DRP2: variants seen among roughly 807,000 people sequenced by gnomAD.
The protein encoded by DRP2 is dystrophin-related protein 2.
A neutral mutation model predicts 78.2 loss-of-function variants in DRP2; 29 were observed. The ratio of observed to expected loss-of-function variants is 0.37; its 90% CI spans 0.28 to 0.51. The LOEUF (loss-of-function observed/expected upper bound fraction) is 0.51, where lower values mean the gene tolerates loss of function less well. DRP2 is among the 20% of genes least tolerant of loss of function. The pLI is 0.94. For missense variants in DRP2, 686 were observed against 770.6 expected, an observed-to-expected ratio of 0.89 and a Z score of 1.30; for synonymous variants, 290 against 281.9, an observed-to-expected ratio of 1.03 and a Z score of -0.29.
At chrX:101,232,495 A>T (rs757827218) in intron 3 of DRP2, among the ~76,000 whole-genome samples, 10 of 111,214 alleles carry the variant, frequency 9.0e-5, no homozygotes, top group African/African-American at 3.3e-4. Context: ...AGCCTCACAG[A>T]TGGGCTGCAG....
In DRP2 at chrX:101,256,164, C is replaced by T. The variant is rs778563724; in HGVS notation, c.2293C>T (p.Arg765Trp). Reference sequence around the variant, plus strand: ...GCGGCACTCCAGCCCCATCACAGACCGGGAGCCAGCCTTTGGACAGCAGGC... The same window carrying T: ...GCGGCACTCCAGCCCCATCACAGACTGGGAGCCAGCCTTTGGACAGCAGGC... The part of the protein sequence containing the change: ...LLRHSSPITD[R>W]EPAFGQQAPC... Residue 765 changes from arginine (R) to tryptophan (W), a missense_variant, in exon 21 of 24, where the codon CGG becomes TGG. Around this residue, in one of 2 missense-constraint regions of DRP2, gnomAD observed 423 missense variants for 531.5 expected, o/e 0.80. Transcript: ENST00000395209. The T allele has an allele frequency of 1.4e-4, 167 of 1,205,426 alleles. 3 individuals are homozygous for T. In the South Asian group the frequency reaches 2.6e-3, roughly 19 times the overall value.
intron 1 of DRP2, among the ~76,000 whole-genome samples, chrX:101,222,570 T>G (rs1018968520): frequency 2.7e-5 from 3 of 112,508 alleles, no homozygotes; most frequent in Admixed American, 9.4e-5. Context: ...GAAGCAGATT[T>G]AAGGAATAAT....
chrX:101,248,607 G>C lies in DRP2; in HGVS notation c.1540+8G>C. 1 of 1,203,028 alleles carries C rather than the reference G, an allele frequency of 8.3e-7. No individual in the cohort carries two copies. The highest frequency in any genetic ancestry group is 1.7e-5 in the African/African-American group (1 of 57,737). ...TGAAGGAAAAACTTCAGTGTGAGTA[G>C]AACTCCAAAGTGTGGAGTGGTGTTG... On this transcript the variant is annotated splice_region_variant and intron_variant, in intron 14 of 23. Coordinates refer to ENST00000395209, the MANE Select transcript of DRP2 (RefSeq NM_001939.3).
chrX:101,248,640 G>A (rs1923019956), intron 14 of DRP2, 41 bp downstream of exon 14: 1 of 1,131,137 alleles, frequency 8.8e-7, no homozygotes, highest in Non-Finnish European at 1.2e-6. Flanking sequence ...TTGGGTAGAG[G>A]GAAAGGTGTT....
rs1255269334 is a variant in DRP2, at chrX:101,263,887, G to A, written c.*3266G>A. 1 of 111,684 alleles carries A rather than the reference G, an allele frequency of 9.0e-6. No homozygotes were observed. The highest frequency in any genetic ancestry group is 1.9e-5 in the Non-Finnish European group (1 of 53,142). 9.2% of individuals were successfully genotyped at this position (111,684 alleles called of 1,213,427 possible). A position where few individuals can be genotyped will look rare whatever the true frequency, so the allele number is the denominator to read the frequency against. ...TGTGCTTCCTGATGTGTGTGCTTGA[G>A]ATTTGGGCTCTATATCCAGCATTTG... On this transcript the variant is annotated 3_prime_UTR_variant, in exon 24 of 24. Coordinates refer to ENST00000395209, the MANE Select transcript of DRP2 (RefSeq NM_001939.3).
chrX:101,260,013 G>A, intron 22 of DRP2, 36 bp from the exon 23 acceptor site: 1 of 1,208,698 alleles, frequency 8.3e-7, no homozygotes, highest in Non-Finnish European at 1.1e-6. Flanking sequence ...GGTCAGGAAG[G>A]CAAATCCACT....
chrX:101,257,953 A>G (rs946391565), intron 21 of DRP2, among the ~76,000 whole-genome samples: 2 of 110,935 alleles, frequency 1.8e-5, no homozygotes, highest in Non-Finnish European at 3.8e-5. Flanking sequence ...AAAATGGAGT[A>G]GGTGAGTCAG....
In DRP2 at chrX:101,224,191, G is replaced by GTT. The variant is rs1167730116; in HGVS notation, c.-166-384_-166-383dup. Among the ~76,000 whole-genome samples, 44 of 38,887 alleles carry GTT rather than the reference G, an allele frequency of 1.1e-3. 3 individuals are homozygous for GTT. Among genetic ancestry groups the GTT allele is most frequent in the African/African-American group, 4.8e-3 (38 of 7,910 alleles). 33.8% of individuals were successfully genotyped at this position (38,887 alleles called of 115,157 possible). On this transcript the variant is annotated intron_variant, in intron 1 of 23. Coordinates refer to ENST00000395209, the MANE Select transcript of DRP2 (RefSeq NM_001939.3). The stretch of plus-strand genomic sequence containing the variant: ...AATAAATGTTTGCTGGGTTTTTTTT[G>GTT]TTTTTTTTTTTTTTTTTTTTTTTTT...
At chrX:101,245,204 A>C in intron 10 of DRP2, 127 bp downstream of exon 10, 1 of 829,738 alleles carries the variant, frequency 1.2e-6, no homozygotes, top group East Asian at 3.2e-5. Context: ...TTTTTCTCCT[A>C]CTCATCTCAA....
rs763160410 is a variant in DRP2, at chrX:101,240,117, C to T, written c.559+1016C>T. The stretch of plus-strand genomic sequence containing the variant: ...TAAAAATACTGCTTTATTCCAACAT[C>T]GAGGGACATGCAAACCAGCAAATAA... On this transcript the variant is annotated intron_variant, in intron 6 of 23. Coordinates refer to ENST00000395209, the MANE Select transcript of DRP2 (RefSeq NM_001939.3). Among the ~76,000 whole-genome samples, 12 of 112,483 alleles carry T rather than the reference C, an allele frequency of 1.1e-4. No homozygotes were observed. In the South Asian group the frequency reaches 4.4e-3, roughly 41 times the overall value.
chrX:101,250,790 C>A lies in DRP2; in HGVS notation c.1699-127C>A. 4.1e-6 allele frequency: 4 copies of A among 972,356 alleles called. No homozygotes were observed. In the South Asian group the frequency reaches 9.1e-5, roughly 22 times the overall value. 80.1% of individuals were successfully genotyped at this position (972,356 alleles called of 1,213,427 possible). A position where few individuals can be genotyped will look rare whatever the true frequency, so the allele number is the denominator to read the frequency against. ...TCAGCTCAACTAGCACAGGGCAGAA[C>A]GTGAACATCTCTGGAGAACAGGCCA... On this transcript the variant is annotated intron_variant, in intron 15 of 23. Coordinates refer to ENST00000395209, the MANE Select transcript of DRP2 (RefSeq NM_001939.3).
At position 101,247,162 on chromosome X, in the gene DRP2, G is replaced by A. The variant is rs759825823; in HGVS notation, c.1250G>A (p.Arg417His). 1.7e-6 allele frequency: 2 copies of A among 1,205,299 alleles called. No individual in the cohort carries two copies. Among genetic ancestry groups the A allele is most frequent in the Non-Finnish European group, 2.2e-6 (2 of 891,216 alleles). ...CTCCGCAGAGTCCAGAAAGCCCTGC[G>A]CTGTACGTCTCCTGTTGTACTTCCC... ...MKLRRVQKAL[R>H]LDLVTLTTAL... The change falls in exon 12 of 24, where the codon CGC becomes CAC. Residue 417 changes from arginine (R) to histidine (H), a missense_variant and splice_region_variant. Around this residue, in one of 2 missense-constraint regions of DRP2, gnomAD observed 423 missense variants for 531.5 expected, o/e 0.80. Transcript: ENST00000395209.
intron 4 of DRP2, among the ~76,000 whole-genome samples, chrX:101,236,740 A>G (rs1249705480): frequency 3.6e-5 from 4 of 112,561 alleles, no homozygotes; most frequent in African/African-American, 1.3e-4. Context: ...AGTTCAAATC[A>G]TCGCTCTATC....
At chrX:101,221,111 G>A (rs1405315523) in intron 1 of DRP2, among the ~76,000 whole-genome samples, 1 of 112,184 alleles carries the variant, frequency 8.9e-6, no homozygotes, top group Non-Finnish European at 1.9e-5. Flanking sequence ...GGGTGGAGTG[G>A]GGTAGAGGAG....
rs560630804 is a variant in DRP2 at position 101,230,144 on chromosome X, G to T, written c.-63-1441G>T. ...TCATGCTGTCTGCTTCATCCTCACG[G>T]CAACTGCCTGCCTATTCTAACAGCT... is the stretch of plus-strand genomic sequence containing the variant. On this transcript the variant is annotated intron_variant, in intron 2 of 23. Transcript: ENST00000395209. Among the ~76,000 whole-genome samples, 6 of 111,988 alleles carry T rather than the reference G, an allele frequency of 5.4e-5. No homozygotes were observed. In the Middle Eastern group the frequency reaches 0.018, roughly 344 times the overall value.
chrX:101,242,394 G>A lies in DRP2; in HGVS notation c.898G>A (p.Ala300Thr), dbSNP rs764710041. The change falls in exon 8 of 24, where the codon GCC (alanine) becomes ACC (threonine). Residue 300 changes from alanine (A) to threonine (T), a missense_variant. Physicochemically the swap from Ala to Thr is moderately conservative, Grantham distance 58. Coordinates refer to ENST00000395209, the MANE Select transcript of DRP2 (RefSeq NM_001939.3). ...GGTGAATGATCTGGCCCACCAACTTGCCATTTCTGATGTGCACTTGTCAAT... is the reference window on the plus strand; with the variant it reads ...GGTGAATGATCTGGCCCACCAACTTACCATTTCTGATGTGCACTTGTCAAT... ...KLVNDLAHQL[A>T]ISDVHLSMEN... The A allele has an allele frequency of 2.5e-6, 3 of 1,211,772 alleles. No homozygotes were observed. The highest frequency in any genetic ancestry group is 3.4e-6 in the Non-Finnish European group (3 of 895,477).
Position 101,245,933 on chromosome X carries a change from C to A in DRP2, c.1177+484C>A, listed in dbSNP as rs1026808106. Among the ~76,000 whole-genome samples the A allele has an allele frequency of 1.1e-4, 12 of 111,659 alleles. 1 individual carries two copies. The highest frequency in any genetic ancestry group is 2.9e-4 in the African/African-American group (9 of 30,750). On this transcript the variant is annotated intron_variant, in intron 11 of 23. Transcript: ENST00000395209. ...TGTTAAGTGTTCTTACAGAAAAAAA[C>A]AATAAAGAGGGTAGTTGGAACTTTT...
At chrX:101,251,895 TAA>T (rs1923155493) in intron 16 of DRP2, 2 of 111,814 alleles carry the variant, frequency 1.8e-5, no homozygotes, top group Admixed American at 9.5e-5. Flanking sequence ...ACTTTCATCA[TAA>T]AACACTCAAC....
chrX:101,257,429 T>TAAAAA (rs57717609), intron 21 of DRP2, among the ~76,000 whole-genome samples: 23 of 51,418 alleles, frequency 4.5e-4, no homozygotes, highest in Non-Finnish European at 5.9e-4. Flanking sequence ...CAAGGCAAGA[T>TAAAAA]AAAAAAAAAA....
Sources: allele counts gnomAD v4.1 joint callset (sites outside exome capture counted in the v4.1 genomes callset), GRCh38; gene constraint gnomAD v4.1.1; regional missense constraint gnomAD v4.1.1; transcripts MANE v1.5; gene names NCBI Gene and HGNC (gene_info 2026-07-23, HGNC 2026-07-21).